MS4A10: variants seen among roughly 807,000 people sequenced by gnomAD.
The protein encoded by MS4A10 is membrane spanning 4-domains A10, also known as membrane-spanning 4-domains subfamily A member 10.
Under a neutral mutation model 27.7 loss-of-function variants are expected in MS4A10, and 27 were observed. That is an observed-to-expected ratio of 0.98 (90% CI 0.72 to 1.35). MS4A10 has a LOEUF of 1.35. MS4A10 is among the 40% of genes most tolerant of loss of function. The probability of loss-of-function intolerance (pLI) is 0.00; values close to 1 mark genes in which losing one functional copy is unlikely to be tolerated. For missense variants in MS4A10, 338 were observed against 324.7 expected, an observed-to-expected ratio of 1.04 and a Z score of -0.32; for synonymous variants, 139 against 131.2, an observed-to-expected ratio of 1.06 and a Z score of -0.41.
chr11:60,796,492 G>A (rs1451153290), intron 6 of MS4A10, among the ~76,000 whole-genome samples: 1 of 152,024 alleles, frequency 6.6e-6, no homozygotes, highest in Admixed American at 6.6e-5. Flanking sequence ...TGCCATCCTG[G>A]CCAGGCTGGT....
intron 6 of MS4A10, 151 bp from the exon 7 acceptor site, chr11:60,798,245 T>G (rs1854564364): frequency 1.8e-5 from 11 of 627,518 alleles, no homozygotes; most frequent in Non-Finnish European, 5.7e-6. Flanking sequence ...CACACACTGG[T>G]CTATGGAAGT....
At chr11:60,796,742 A>G (rs1346429388) in intron 6 of MS4A10, among the ~76,000 whole-genome samples, 1 of 152,152 alleles carries the variant, frequency 6.6e-6, no homozygotes, top group Non-Finnish European at 1.5e-5. Flanking sequence ...TTGTCTACCC[A>G]TGGGGATGGC....
intron 1 of MS4A10, among the ~76,000 whole-genome samples, chr11:60,788,551 C>A (rs1854375835): frequency 6.6e-6 from 1 of 152,230 alleles, no homozygotes; most frequent in Non-Finnish European, 1.5e-5. Context: ...ATCCCTTAGT[C>A]CAGCTAGCTG....
chr11:60,798,346 C>T, intron 6 of MS4A10, 50 bp from the exon 7 acceptor site: 1 of 1,374,672 alleles, frequency 7.3e-7, no homozygotes, highest in Non-Finnish European at 1.0e-6. Context: ...CGGAAGCAGC[C>T]AGTCGCTCCA....
At chr11:60,799,489 C>T (rs893907329) in intron 7 of MS4A10, among the ~76,000 whole-genome samples, 4 of 152,014 alleles carry the variant, frequency 2.6e-5, no homozygotes, top group South Asian at 4.1e-4. Flanking sequence ...AGAAGCAAAC[C>T]CCAAAAATAA....
In MS4A10 at chr11:60,799,961, T is replaced by C. The variant is rs1323340275; in HGVS notation, c.*52T>C. The C allele has an allele frequency of 1.9e-6, 3 of 1,612,568 alleles. No homozygotes were observed. Among genetic ancestry groups the C allele is most frequent in the African/African-American group, 2.7e-5 (2 of 74,886 alleles). ...CTTGGTTGGAGCATAGCCCCTGCTC[T>C]CCCAAAGTTGCACTTTCACTGGGAA... On this transcript the variant is annotated 3_prime_UTR_variant, in exon 8 of 8. Transcript: ENST00000308287.
At chr11:60,788,738 A>T (rs948929024) in intron 1 of MS4A10, among the ~76,000 whole-genome samples, 4 of 152,204 alleles carry the variant, frequency 2.6e-5, no homozygotes, top group Non-Finnish European at 4.4e-5. Flanking sequence ...CCACTAAATC[A>T]GCGGTCGTCA....
chr11:60,798,145 G>A (rs1251583321), intron 6 of MS4A10, among the ~76,000 whole-genome samples: 1 of 152,254 alleles, frequency 6.6e-6, no homozygotes, highest in African/African-American at 2.4e-5. Flanking sequence ...CAGGACACTG[G>A]TAGCGGGACG....
At chr11:60,790,877 G>A (rs1017858532) in intron 2 of MS4A10, 97 bp from the exon 3 acceptor site, 15 of 1,519,802 alleles carry the variant, frequency 9.9e-6, no homozygotes, top group African/African-American at 9.7e-5. Flanking sequence ...GAGGACAGAA[G>A]GGACTCACCA....
At chr11:60,790,641 C>A in intron 2 of MS4A10, 123 bp downstream of exon 2, 1 of 1,100,032 alleles carries the variant, frequency 9.1e-7, no homozygotes, top group Non-Finnish European at 1.3e-6. Context: ...TCCTGCTGAA[C>A]ATTCATCTGA....
Position 60,799,905 on chromosome 11 carries a change from A to T in MS4A10, c.800A>T (p.Asn267Ile), listed in dbSNP as rs1205109623. 3.1e-6 allele frequency: 5 copies of T among 1,614,164 alleles called. No homozygotes were observed. The highest frequency in any genetic ancestry group is 1.7e-5 in the Admixed American group (1 of 60,028). ...GCTGCGATCTGGACCCAGACTGCAAACTGAAGAGCCACTGCCTGACAATGC... is the reference window on the plus strand; with the variant it reads ...GCTGCGATCTGGACCCAGACTGCAATCTGAAGAGCCACTGCCTGACAATGC... The part of the protein sequence containing the change: ...DGAAIWTQTA[N>I] Residue 267 changes from asparagine to isoleucine, a missense_variant, in exon 8 of 8, where the codon AAC becomes ATC. Coordinates refer to ENST00000308287, the MANE Select transcript of MS4A10 (RefSeq NM_206893.4).
chr11:60,799,388 T>C (rs920357032), intron 7 of MS4A10, among the ~76,000 whole-genome samples: 1 of 152,004 alleles, frequency 6.6e-6, no homozygotes, highest in African/African-American at 2.4e-5. Flanking sequence ...TGTATTCTGG[T>C]TTTTTTTCCA....
At chr11:60,786,191 A>ACACACACACACG (rs1854334987) in intron 1 of MS4A10, among the ~76,000 whole-genome samples, 4 of 140,658 alleles carry the variant, frequency 2.8e-5, no homozygotes, top group African/African-American at 1.2e-4. Context: ...ACACACACGC[A>ACACACACACACG]CACACACACA....
intron 6 of MS4A10, among the ~76,000 whole-genome samples, chr11:60,797,904 A>G (rs1044371009): frequency 5.3e-5 from 8 of 152,222 alleles, no homozygotes; most frequent in Non-Finnish European, 1.0e-4. Flanking sequence ...AGGTTCCCCA[A>G]TGGGCCCTGT....
At chr11:60,788,004 C>T (rs531827744) in intron 1 of MS4A10, among the ~76,000 whole-genome samples, 14 of 150,926 alleles carry the variant, frequency 9.3e-5, no homozygotes, top group South Asian at 2.1e-4. Flanking sequence ...GTGACAAGAG[C>T]GAAACTCCGT....
At chr11:60,795,439 C>G in intron 5 of MS4A10, 116 bp from the exon 6 acceptor site, 1 of 544,658 alleles carries the variant, frequency 1.8e-6, no homozygotes, top group Middle Eastern at 5.1e-4. Context: ...GGAGCTGAAA[C>G]CCCACCTGCC....
chr11:60,786,845 C>A (rs1398135384), intron 1 of MS4A10, among the ~76,000 whole-genome samples: 1 of 152,206 alleles, frequency 6.6e-6, no homozygotes, highest in African/African-American at 2.4e-5. Context: ...ACCACCTACC[C>A]CCTAGGGACA....
chr11:60,798,017 G>A (rs1437561237), intron 6 of MS4A10, among the ~76,000 whole-genome samples: 1 of 152,204 alleles, frequency 6.6e-6, no homozygotes, highest in Non-Finnish European at 1.5e-5. Flanking sequence ...AGCAATCATT[G>A]GCAGACACTG....
In MS4A10 at chr11:60,790,963, T is replaced by C. The variant is rs1590997113; in HGVS notation, c.184-11T>C. ...TGCCCTCACCCCAGCCATTCTCTCT[T>C]CCCCACCCAGGCCTTCCACATCACC... is the stretch of plus-strand genomic sequence containing the variant. On this transcript the variant is annotated splice_polypyrimidine_tract_variant and intron_variant, in intron 2 of 7. Transcript: ENST00000308287. 6.2e-7 allele frequency: 1 copy of C among 1,613,854 alleles called. No homozygotes were observed. Among genetic ancestry groups the C allele is most frequent in the Non-Finnish European group, 8.5e-7 (1 of 1,179,882 alleles).
Sources: gnomAD v4.1 joint callset for allele counts (sites outside exome capture counted in the v4.1 genomes callset) on GRCh38, gnomAD v4.1.1 for gene constraint, MANE v1.5 for transcripts, NCBI Gene and HGNC (gene_info 2026-07-23, HGNC 2026-07-21) for gene names.